Variants in FANCL observed in about 807,000 individuals in gnomAD.
FANCL encodes E3 ubiquitin-protein ligase FANCL.
FANCL carries 69 observed loss-of-function variants against 59.4 expected under a neutral mutation model. That is an observed-to-expected ratio of 1.16 (90% CI 0.96 to 1.42). The LOEUF (loss-of-function observed/expected upper bound fraction) is 1.42, where lower values mean the gene tolerates loss of function less well. Among genes scored for constraint, FANCL ranks in the 40% most tolerant of loss-of-function variants. The pLI, the probability that FANCL is intolerant of heterozygous loss-of-function variation, is 0.00. For missense variants in FANCL, 519 were observed against 447.2 expected (o/e 1.16, Z -1.45); for synonymous variants, 180 against 147.1 (o/e 1.22, Z -1.62).
chr2:58,170,565 A>C (rs568952902), intron 7 of FANCL, among the ~76,000 whole-genome samples: 1 of 152,312 alleles, frequency 6.6e-6, no homozygotes, highest in Non-Finnish European at 1.5e-5. Flanking sequence ...TAAAAGACAC[A>C]GACTGGCAAA....
intron 6 of FANCL, among the ~76,000 whole-genome samples, chr2:58,203,909 G>C (rs1482308679): frequency 6.6e-6 from 1 of 152,016 alleles, no homozygotes; most frequent in Non-Finnish European, 1.5e-5. Flanking sequence ...TTGTTATAAA[G>C]TCTGTATTTT....
intron 7 of FANCL, among the ~76,000 whole-genome samples, chr2:58,176,297 A>T (rs1393322041): frequency 6.6e-6 from 1 of 152,114 alleles, no homozygotes; most frequent in Non-Finnish European, 1.5e-5. Flanking sequence ...TTCATATGGA[A>T]CCAAAAAAGA....
intron 6 of FANCL, among the ~76,000 whole-genome samples, chr2:58,203,554 A>C (rs973738624): frequency 7.9e-5 from 12 of 152,088 alleles, no homozygotes; most frequent in African/African-American, 2.9e-4. Flanking sequence ...AAGATGAAAC[A>C]ACCATGTTTT....
chr2:58,204,686 T>C (rs1236857901), intron 5 of FANCL, among the ~76,000 whole-genome samples: 1 of 152,110 alleles, frequency 6.6e-6, no homozygotes, highest in African/African-American at 2.4e-5. Flanking sequence ...CGTACAAAAA[T>C]CTAGCTGGTA....
intron 7 of FANCL, among the ~76,000 whole-genome samples, chr2:58,173,122 A>G (rs190562829): frequency 6.6e-6 from 1 of 152,314 alleles, no homozygotes; most frequent in East Asian, 1.9e-4. Flanking sequence ...AGCCTCCAAG[A>G]AATATGGCAC....
rs761742545 is a variant in FANCL at position 58,165,753 on chromosome 2, C to T, written c.662G>A (p.Arg221Gln). The change falls in exon 8 of 14, where the codon CGG (arginine) becomes CAG (glutamine). Residue 221 changes from arginine to glutamine, a missense_variant. Physicochemically the swap from Arg to Gln is conservative, Grantham distance 43. Coordinates refer to ENST00000233741, the MANE Select transcript of FANCL (RefSeq NM_018062.4). ...TWVLEPEKPP[R>Q]SATARRIALG... is the part of the protein sequence containing the mutation. ...TGCAATTCTGCGTGCTGTTGCACTC[C>T]GTGGAGGTTTTTCTGGCTCAAGTAC... 5 of 1,614,016 alleles carry T rather than the reference C, an allele frequency of 3.1e-6. No individual in the cohort carries two copies. Among genetic ancestry groups the T allele is most frequent in the South Asian group, 2.2e-5 (2 of 91,082 alleles).
chr2:58,211,425 C>A (rs1260989877), intron 5 of FANCL, among the ~76,000 whole-genome samples: 2 of 152,168 alleles, frequency 1.3e-5, no homozygotes, highest in Admixed American at 6.5e-5. Context: ...CCTACACCTC[C>A]AGGGCTGTTA....
At chr2:58,235,242 T>A (rs1693909930) in intron 1 of FANCL, among the ~76,000 whole-genome samples, 1 of 151,848 alleles carries the variant, frequency 6.6e-6, no homozygotes, top group African/African-American at 2.4e-5. Context: ...TTCAGCTGAG[T>A]ACTGCTTGCT....
chr2:58,186,806 G>A (rs1242379568), intron 7 of FANCL, among the ~76,000 whole-genome samples: 1 of 152,130 alleles, frequency 6.6e-6, no homozygotes, highest in African/African-American at 2.4e-5. Flanking sequence ...ACACCACCAC[G>A]AAGCTGACTG....
intron 6 of FANCL, among the ~76,000 whole-genome samples, chr2:58,200,692 T>C (rs1212354707): frequency 6.6e-6 from 1 of 151,892 alleles, no homozygotes; most frequent in Non-Finnish European, 1.5e-5. Flanking sequence ...CAAGTAGGAT[T>C]CAGTATAGTA....
intron 3 of FANCL, among the ~76,000 whole-genome samples, 196 bp downstream of exon 3, chr2:58,229,618 C>A (rs1038723950): frequency 1.3e-5 from 2 of 152,066 alleles, no homozygotes; most frequent in Non-Finnish European, 1.5e-5. Flanking sequence ...AGATGGAAAT[C>A]GATTTCAACA....
chr2:58,165,716 G>A lies in FANCL; in HGVS notation c.691+8C>T, dbSNP rs1327876704. On this transcript the variant is annotated splice_region_variant and intron_variant, in intron 8 of 13. Coordinates refer to ENST00000233741, the MANE Select transcript of FANCL (RefSeq NM_018062.4). ...TAAAAACAAACCCTTAATCCTCCTT[G>A]TCCCTACCTAATGCAATTCTGCGTG... The A allele has an allele frequency of 1.2e-6, 2 of 1,613,924 alleles. No homozygotes were observed. Among genetic ancestry groups the A allele is most frequent in the African/African-American group, 2.7e-5 (2 of 74,994 alleles).
intron 7 of FANCL, among the ~76,000 whole-genome samples, chr2:58,194,427 G>C (rs573590808): frequency 6.6e-6 from 1 of 152,266 alleles, no homozygotes; most frequent in Non-Finnish European, 1.5e-5. Flanking sequence ...AAGCATTTGT[G>C]ATGTTAGAAA....
chr2:58,239,776 C>T (rs1694344307), intron 1 of FANCL, among the ~76,000 whole-genome samples: 1 of 152,188 alleles, frequency 6.6e-6, no homozygotes, highest in Non-Finnish European at 1.5e-5. Flanking sequence ...CACCCACCCA[C>T]ATACATATAC....
In FANCL at chr2:58,165,600, A is replaced by G; in HGVS notation, c.691+124T>C. 2 of 1,225,304 alleles carry G rather than the reference A, an allele frequency of 1.6e-6. 1 individual carries two copies. The allele number at this position is 1,225,304 out of a possible 1,614,324, so 75.9% of individuals were successfully genotyped here. A position where few individuals can be genotyped will look rare whatever the true frequency, so the allele number is the denominator to read the frequency against. ...AATGTGTAGCCAAAAAAAAGTTTAT[A>G]CTAGAAAATTTTAATAGTTGACTTC... On this transcript the variant is annotated intron_variant, in intron 8 of 13. Coordinates refer to ENST00000233741, the MANE Select transcript of FANCL (RefSeq NM_018062.4).
intron 7 of FANCL, among the ~76,000 whole-genome samples, chr2:58,168,485 C>A (rs551490689): frequency 6.6e-6 from 1 of 152,274 alleles, no homozygotes; most frequent in South Asian, 2.1e-4. Flanking sequence ...GCCTATTTCA[C>A]CAGGGCCCTG....
intron 7 of FANCL, among the ~76,000 whole-genome samples, chr2:58,181,298 G>C (rs1406460595): frequency 6.6e-6 from 1 of 151,980 alleles, no homozygotes; most frequent in Admixed American, 6.6e-5. Context: ...GCCTATGTAG[G>C]AAAGAGTACA....
chr2:58,184,030 A>C (rs1558766161), intron 7 of FANCL, among the ~76,000 whole-genome samples: 1 of 152,048 alleles, frequency 6.6e-6, no homozygotes, highest in African/African-American at 2.4e-5. Context: ...TATAGAAGTC[A>C]AGAATTCTAA....
At chr2:58,162,719 TA>T in intron 11 of FANCL, 146 bp downstream of exon 11, 1 of 715,360 alleles carries the variant, frequency 1.4e-6, no homozygotes, top group Non-Finnish European at 2.4e-6. Flanking sequence ...CAATCAAAGG[TA>T]AACAAGTTTT....
Sources: allele counts gnomAD v4.1 joint callset (sites outside exome capture counted in the v4.1 genomes callset), GRCh38; gene constraint gnomAD v4.1.1; transcripts MANE v1.5; gene names NCBI Gene and HGNC (gene_info 2026-07-23, HGNC 2026-07-21).